Variants in TTC7A observed in about 807,000 individuals in gnomAD.
The protein encoded by TTC7A is tetratricopeptide repeat protein 7A.
Under a neutral mutation model 103.7 loss-of-function variants are expected in TTC7A, and 110 were observed. That is an observed-to-expected ratio of 1.06 (90% CI 0.91 to 1.24). TTC7A has a LOEUF of 1.24. Ranked by LOEUF, TTC7A falls within the 50% of genes most tolerant of loss-of-function variation. The probability of loss-of-function intolerance (pLI) is 0.00; values close to 1 mark genes in which losing one functional copy is unlikely to be tolerated. For synonymous variants in TTC7A, 521 were observed against 467.9 expected, an observed-to-expected ratio of 1.11 and a Z score of -1.47; for missense variants, 1,340 against 1,116.3, an observed-to-expected ratio of 1.20 and a Z score of -2.86.
intron 18 of TTC7A, among the ~76,000 whole-genome samples, chr2:47,058,949 G>T (rs769659260): frequency 1.6e-4 from 23 of 146,516 alleles, no homozygotes; most frequent in Non-Finnish European, 3.1e-4. Context: ...TGGGAGTCCA[G>T]CCCTGGCTTT....
At chr2:46,940,530 G>C (rs1357773189), upstream of TTC7A, among the ~76,000 whole-genome samples, 1 of 152,228 alleles carries the variant, frequency 6.6e-6, no homozygotes, top group African/African-American at 2.4e-5. This position sits in a 1 kb window ranked among gnomAD's most constrained non-coding sequence, Gnocchi z 4.7. Context: ...GCACTCCATA[G>C]AGCTTTGATC....
intron 5 of TTC7A, 99 bp from the exon 6 acceptor site, chr2:46,993,351 C>G (rs1277172555): frequency 4.4e-6 from 5 of 1,136,008 alleles, no homozygotes; most frequent in East Asian, 4.7e-5. Context: ...AAATAAAACT[C>G]CAGCAGTCAG....
At chr2:46,981,254 CA>C (rs1453988924) in intron 5 of TTC7A, among the ~76,000 whole-genome samples, 1 of 151,054 alleles carries the variant, frequency 6.6e-6, no homozygotes, top group Non-Finnish European at 1.5e-5. Context: ...ACAACCACAA[CA>C]AAATAGTATC....
intron 2 of TTC7A, among the ~76,000 whole-genome samples, chr2:46,919,490 A>G (rs1219232130): frequency 6.6e-6 from 1 of 152,250 alleles, no homozygotes; most frequent in Admixed American, 6.5e-5. Context: ...CTGAGATCGC[A>G]CCATTGCTCT....
intron 18 of TTC7A, among the ~76,000 whole-genome samples, chr2:47,053,543 T>TTTGGTTGGTTGGTTGGTTGGTTGG (rs35563040): frequency 1.6e-4 from 23 of 140,238 alleles, no homozygotes; most frequent in East Asian, 8.5e-4. Context: ...TGTTTGTTTG[T>TTTGGTTGGTTGGTTGGTTGGTTGG]TTGGTTGGTT....
At chr2:46,969,858 A>C (rs779700848) in intron 3 of TTC7A, among the ~76,000 whole-genome samples, 16 of 152,198 alleles carry the variant, frequency 1.1e-4, no homozygotes, top group Non-Finnish European at 1.6e-4. Flanking sequence ...TCAGTCGGAA[A>C]TGGGTAGAGA....
chr2:46,969,915 C>G (rs188630731), intron 3 of TTC7A, among the ~76,000 whole-genome samples: 1 of 152,298 alleles, frequency 6.6e-6, no homozygotes, highest in Admixed American at 6.5e-5. Context: ...GAGATGCAGC[C>G]AGACTGTTCA....
At position 46,986,451 on chromosome 2, in the gene TTC7A, G is replaced by A. The variant is rs188950284; in HGVS notation, c.765-6999G>A. Among the ~76,000 whole-genome samples, 130 of 152,132 alleles carry A rather than the reference G, an allele frequency of 8.5e-4. 1 individual carries two copies. The highest frequency in any genetic ancestry group is 2.9e-3 in the African/African-American group (121 of 41,490). On this transcript the variant is annotated intron_variant, in intron 5 of 19. Transcript: ENST00000319190. The stretch of plus-strand genomic sequence containing the variant: ...GGCCAGGAGGAGGTCCCCTCCCCTC[G>A]TGGAGTGACCGTCCCAGAGGGGAGC...
intron 12 of TTC7A, among the ~76,000 whole-genome samples, chr2:47,022,886 C>T (rs1424484343): frequency 2.6e-5 from 4 of 152,240 alleles, no homozygotes; most frequent in African/African-American, 4.8e-5. Context: ...GCTTGGTCCT[C>T]GCCAGTGGGA....
chr2:46,989,040 C>T (rs754500274), intron 5 of TTC7A, among the ~76,000 whole-genome samples: 37 of 152,190 alleles, frequency 2.4e-4, no homozygotes, highest in Non-Finnish European at 4.9e-4. Context: ...AGAAGCTGCA[C>T]GGACTGAGTA....
chr2:47,015,047 G>T (rs1467093053), intron 11 of TTC7A, among the ~76,000 whole-genome samples: 1 of 152,244 alleles, frequency 6.6e-6, no homozygotes, highest in Non-Finnish European at 1.5e-5. Flanking sequence ...AGCTGAGCAG[G>T]TTTGGGTTTG....
At chr2:47,020,246 C>A (rs1679132720) in intron 11 of TTC7A, among the ~76,000 whole-genome samples, 1 of 152,238 alleles carries the variant, frequency 6.6e-6, no homozygotes, top group Admixed American at 6.5e-5. Flanking sequence ...GGTGCTGAGC[C>A]AGGAGTGGAG....
intron 5 of TTC7A, among the ~76,000 whole-genome samples, chr2:46,982,754 A>G (rs958019051): frequency 6.6e-6 from 1 of 152,164 alleles, no homozygotes. Context: ...GCTGGAGCCC[A>G]CAAGTTTGAG....
chr2:46,930,328 G>A (rs1419117620), intron 2 of TTC7A, among the ~76,000 whole-genome samples: 2 of 150,354 alleles, frequency 1.3e-5, no homozygotes, highest in African/African-American at 4.9e-5. Context: ...TACCAGTAAT[G>A]AAAATTCAAA....
At chr2:47,018,855 A>G (rs1412078430) in intron 11 of TTC7A, among the ~76,000 whole-genome samples, 1 of 152,172 alleles carries the variant, frequency 6.6e-6, no homozygotes, top group African/African-American at 2.4e-5. Flanking sequence ...AACAAAACAA[A>G]GTGACTTGCC....
chr2:47,066,744 C>T (rs1684212156), intron 19 of TTC7A, among the ~76,000 whole-genome samples: 1 of 152,146 alleles, frequency 6.6e-6, no homozygotes, highest in African/African-American at 2.4e-5. Flanking sequence ...TTTGTAGAGA[C>T]AAGGTCTCAC....
chr2:46,937,268 T>C (rs1186170341), upstream of TTC7A, among the ~76,000 whole-genome samples: 1 of 152,124 alleles, frequency 6.6e-6, no homozygotes, highest in South Asian at 2.1e-4. This position sits in a 1 kb window ranked among gnomAD's most constrained non-coding sequence, Gnocchi z 4.0. Flanking sequence ...AAACCTGCTA[T>C]TTCTTTTCCC....
chr2:46,969,500 C>T (rs1018104955), intron 3 of TTC7A, among the ~76,000 whole-genome samples: 5 of 152,082 alleles, frequency 3.3e-5, no homozygotes, highest in African/African-American at 4.8e-5. Context: ...GTGCAACCTC[C>T]GACTCCCTGG....
chr2:46,959,246 G>T (rs1672168923), intron 3 of TTC7A, among the ~76,000 whole-genome samples: 1 of 152,210 alleles, frequency 6.6e-6, no homozygotes, highest in African/African-American at 2.4e-5. Flanking sequence ...GCATGTATTT[G>T]AACTGGAGTC....
Sources: allele counts gnomAD v4.1 joint callset (sites outside exome capture counted in the v4.1 genomes callset), GRCh38; gene constraint gnomAD v4.1.1; non-coding constraint Gnocchi (gnomAD v3.1); transcripts MANE v1.5; gene names NCBI Gene and HGNC (gene_info 2026-07-23, HGNC 2026-07-21).